The following CAMK2D variants were observed in gnomAD, a reference collection of about 807,000 sequenced individuals.
CAMK2D encodes calcium/calmodulin dependent protein kinase II delta.
A neutral mutation model predicts 84.0 loss-of-function variants in CAMK2D; 37 were observed. That is an observed-to-expected ratio of 0.44 (90% CI 0.34 to 0.58). The LOEUF (loss-of-function observed/expected upper bound fraction) is 0.58, where lower values mean the gene tolerates loss of function less well. Ranked by LOEUF, CAMK2D falls within the 20% of genes least tolerant of loss-of-function variation. The probability of loss-of-function intolerance (pLI) is 0.02; values close to 1 mark genes in which losing one functional copy is unlikely to be tolerated. For synonymous variants in CAMK2D, 202 were observed against 212.5 expected (o/e 0.95, Z 0.43); for missense variants, 448 against 652.5 (o/e 0.69, Z 3.41).
At chr4:113,716,699 C>G (rs2099514726) in intron 2 of CAMK2D, among the ~76,000 whole-genome samples, 2 of 144,894 alleles carry the variant, frequency 1.4e-5, no homozygotes, top group South Asian at 4.6e-4. Flanking sequence ...TAGAACTCAT[C>G]TCTAACTTGA....
At chr4:113,563,511 C>T (rs1322318622) in intron 4 of CAMK2D, among the ~76,000 whole-genome samples, 2 of 152,152 alleles carry the variant, frequency 1.3e-5, no homozygotes, top group Non-Finnish European at 1.5e-5. Context: ...TAGGGAAGGG[C>T]GTGTTGCCAA....
At chr4:113,536,762 T>G (rs1590884544) in intron 7 of CAMK2D, among the ~76,000 whole-genome samples, 1 of 152,322 alleles carries the variant, frequency 6.6e-6, no homozygotes, top group Non-Finnish European at 1.5e-5. Context: ...CTTCCTTAAT[T>G]GTAAAGAAGC....
At chr4:113,691,731 C>T (rs866470437) in intron 2 of CAMK2D, among the ~76,000 whole-genome samples, 9 of 151,720 alleles carry the variant, frequency 5.9e-5, no homozygotes, top group South Asian at 2.1e-4. Flanking sequence ...GCACCCTGGG[C>T]GACAGAGAGA....
At chr4:113,546,329 C>G (rs1007096338) in intron 6 of CAMK2D, among the ~76,000 whole-genome samples, 1 of 152,132 alleles carries the variant, frequency 6.6e-6, no homozygotes, top group African/African-American at 2.4e-5. Context: ...TTCAAAGAAA[C>G]ACACTGCTTT....
rs2097274586 is a variant in CAMK2D at position 113,453,859 on chromosome 4, T to C, written c.*686A>G. The C allele has an allele frequency of 6.6e-6, 1 of 152,512 alleles. No individual in the cohort carries two copies. Among genetic ancestry groups the C allele is most frequent in the South Asian group, 2.1e-4 (1 of 4,830 alleles). 9.4% of individuals were successfully genotyped at this position (152,512 alleles called of 1,614,324 possible). A position where few individuals can be genotyped will look rare whatever the true frequency, so the allele number is the denominator to read the frequency against. On this transcript the variant is annotated 3_prime_UTR_variant, in exon 21 of 21. Coordinates refer to ENST00000511664, the MANE Select transcript of CAMK2D (RefSeq NM_001321571.2). Reference sequence around the variant, plus strand: ...AAAACAATGTGAATATATCCTAAAGTGATTAAACTCAGAAATGATGTGAAT... The same window carrying C: ...AAAACAATGTGAATATATCCTAAAGCGATTAAACTCAGAAATGATGTGAAT...
chr4:113,471,135 C>T (rs2097542009), intron 16 of CAMK2D, among the ~76,000 whole-genome samples: 1 of 152,148 alleles, frequency 6.6e-6, no homozygotes, highest in Admixed American at 6.6e-5. Flanking sequence ...CTCATTTTTG[C>T]TAATGAAACC....
At chr4:113,657,089 A>G (rs1298782866) in intron 3 of CAMK2D, among the ~76,000 whole-genome samples, 1 of 151,646 alleles carries the variant, frequency 6.6e-6, no homozygotes, top group African/African-American at 2.4e-5. Flanking sequence ...CCATCCACTG[A>G]CCCCCTCACT....
intron 3 of CAMK2D, among the ~76,000 whole-genome samples, chr4:113,649,741 C>A (rs1200877867): frequency 6.6e-6 from 1 of 152,186 alleles, no homozygotes; most frequent in African/African-American, 2.4e-5. Flanking sequence ...ACTTTAGCTA[C>A]AACAGAGTTA....
intron 4 of CAMK2D, among the ~76,000 whole-genome samples, chr4:113,572,673 C>T (rs762675525): frequency 2.2e-4 from 33 of 152,066 alleles, no homozygotes; most frequent in Non-Finnish European, 2.6e-4. Context: ...AACCCTTATG[C>T]GTTGTTGGTG....
chr4:113,694,147 A>G (rs931726118), intron 2 of CAMK2D, among the ~76,000 whole-genome samples: 3 of 152,154 alleles, frequency 2.0e-5, no homozygotes, highest in South Asian at 4.1e-4. Flanking sequence ...GAAACAGCCA[A>G]TTTGCTCAGA....
intron 17 of CAMK2D, 41 bp downstream of exon 17, chr4:113,465,488 T>C: frequency 9.0e-7 from 1 of 1,113,916 alleles, no homozygotes; most frequent in South Asian, 1.3e-5. Flanking sequence ...AAAAATATAT[T>C]TACCATATGC....
rs1490915979 is a variant in CAMK2D at position 113,592,297 on chromosome 4, G to A, written c.275+16855C>T. Among the ~76,000 whole-genome samples, 4 of 152,286 alleles carry A rather than the reference G, an allele frequency of 2.6e-5. No individual in the cohort carries two copies. The East Asian group carries it at 5.8e-4, about 22-fold the overall frequency. On this transcript the variant is annotated intron_variant, in intron 4 of 20. Coordinates refer to ENST00000511664, the MANE Select transcript of CAMK2D (RefSeq NM_001321571.2). ...AATATCATCACATACTGAAGAAGCT[G>A]ACTGCTAAACTTAGCCTAACATGTT... is the stretch of plus-strand genomic sequence containing the variant.
chr4:113,584,610 T>C (rs2098825647), intron 4 of CAMK2D, among the ~76,000 whole-genome samples: 1 of 152,130 alleles, frequency 6.6e-6, no homozygotes, highest in Non-Finnish European at 1.5e-5. Flanking sequence ...TCAGTTCACT[T>C]CTATTTTCAG....
rs189046541 is a variant in CAMK2D, at chr4:113,463,185, C to A, written c.1211+2344G>T. 3.3e-3 allele frequency among the ~76,000 whole-genome samples: 508 copies of A among 152,156 alleles called. 2 individuals are homozygous for A. The highest frequency in any genetic ancestry group is 0.012 in the African/African-American group (492 of 41,514). ...AGTTTGTCTTACATTTAGCTAATCT[C>A]GTCCATATTTTATATTTTGTGTTTA... On this transcript the variant is annotated intron_variant, in intron 17 of 20. Transcript: ENST00000511664.
chr4:113,482,865 G>C (rs2097718280), intron 16 of CAMK2D, among the ~76,000 whole-genome samples: 1 of 152,214 alleles, frequency 6.6e-6, no homozygotes, highest in Admixed American at 6.5e-5. Flanking sequence ...AGAGAAGTTA[G>C]TTTCACCACA....
intron 16 of CAMK2D, among the ~76,000 whole-genome samples, chr4:113,475,385 T>G (rs185544825): frequency 6.6e-5 from 10 of 152,336 alleles, no homozygotes; most frequent in Admixed American, 5.9e-4. Context: ...TGAACTGTTA[T>G]GTCCTTGAAT....
chr4:113,590,405 C>G (rs115345363), intron 4 of CAMK2D, among the ~76,000 whole-genome samples: 1 of 152,130 alleles, frequency 6.6e-6, no homozygotes, highest in Non-Finnish European at 1.5e-5. Context: ...GACAGAACTC[C>G]TTTAAAGAAA....
intron 3 of CAMK2D, among the ~76,000 whole-genome samples, chr4:113,610,069 T>C (rs72678763): frequency 0.023 from 3,553 of 152,198 alleles, 60 homozygotes; most frequent in Middle Eastern, 0.037. Flanking sequence ...TTTACTTTTA[T>C]TTTAGCTTCA....
intron 2 of CAMK2D, among the ~76,000 whole-genome samples, chr4:113,698,201 G>T (rs1427171908): frequency 1.3e-5 from 2 of 151,994 alleles, no homozygotes; most frequent in African/African-American, 2.4e-5. Context: ...AAAATAAAAT[G>T]GTTGTATGGT....
Sources: allele counts gnomAD v4.1 joint callset (sites outside exome capture counted in the v4.1 genomes callset), GRCh38; gene constraint gnomAD v4.1.1; transcripts MANE v1.5; gene names NCBI Gene and HGNC (gene_info 2026-07-23, HGNC 2026-07-21).